Variants in DNAH7 observed in about 807,000 individuals in gnomAD.
DNAH7 encodes dynein axonemal heavy chain 7, also known as axonemal beta dynein heavy chain 7.
Under a neutral mutation model 444.6 loss-of-function variants are expected in DNAH7, and 397 were observed. The observed-to-expected ratio is 0.89, with a 90% CI of 0.82 to 0.97. DNAH7 has a LOEUF of 0.97. DNAH7 is among the 50% of genes least tolerant of loss of function. The pLI, the probability that DNAH7 is intolerant of heterozygous loss-of-function variation, is 0.00. For synonymous variants in DNAH7, 1,636 were observed against 1,624.4 expected (o/e 1.01, Z -0.17); for missense variants, 4,902 against 4,800.8 (o/e 1.02, Z -0.62).
intron 41 of DNAH7, 144 bp downstream of exon 41, chr2:195,864,005 A>G: frequency 1.4e-6 from 1 of 712,792 alleles, no homozygotes; most frequent in South Asian, 2.3e-5. Context: ...CTTGAATTAT[A>G]ATTTCATAAG....
intron 5 of DNAH7, 21 bp from the exon 6 acceptor site, chr2:196,028,068 CT>C: frequency 6.3e-7 from 1 of 1,599,036 alleles, no homozygotes; most frequent in Admixed American, 1.7e-5. Flanking sequence ...GATAAACATA[CT>C]ATTCAAAAGT....
chr2:195,888,489 G>C, intron 32 of DNAH7, 55 bp from the exon 33 acceptor site: 1 of 1,499,216 alleles, frequency 6.7e-7, no homozygotes, highest in Non-Finnish European at 8.9e-7. Flanking sequence ...AAATAAATAT[G>C]ATTTGGCACC....
intron 17 of DNAH7, among the ~76,000 whole-genome samples, chr2:195,962,311 T>C (rs1691164444): frequency 6.6e-6 from 1 of 152,216 alleles, no homozygotes; most frequent in Non-Finnish European, 1.5e-5. Flanking sequence ...TTCCCTCAAA[T>C]ATTTATCCTT....
At chr2:195,899,914 T>C (rs903575964) in intron 28 of DNAH7, among the ~76,000 whole-genome samples, 3 of 152,190 alleles carry the variant, frequency 2.0e-5, no homozygotes, top group Non-Finnish European at 4.4e-5. Flanking sequence ...TGTGTAATTA[T>C]AATAAGTGAC....
chr2:196,036,216 T>G (rs1032276311), intron 5 of DNAH7, among the ~76,000 whole-genome samples: 1 of 152,026 alleles, frequency 6.6e-6, no homozygotes, highest in East Asian at 1.9e-4. Context: ...GTATTTTTAG[T>G]AGGGACAGGG....
intron 19 of DNAH7, among the ~76,000 whole-genome samples, chr2:195,943,473 A>G (rs528767644): frequency 5.9e-5 from 9 of 152,296 alleles, no homozygotes; most frequent in African/African-American, 1.2e-4. Context: ...GGGAAAACAA[A>G]AATTCATTTC....
At chr2:195,954,729 A>C (rs1014589741) in intron 19 of DNAH7, among the ~76,000 whole-genome samples, 4 of 152,190 alleles carry the variant, frequency 2.6e-5, no homozygotes, top group Non-Finnish European at 5.9e-5. Flanking sequence ...TCTAACTGGC[A>C]TGAGATGTTA....
rs774430677 is a variant in DNAH7 at position 195,738,144 on chromosome 2, A to G, written c.11869-17T>C. On this transcript the variant is annotated splice_polypyrimidine_tract_variant and intron_variant, in intron 64 of 64. Transcript: ENST00000312428. ...TAGCCACATCTGGAAGAAAGTACAT[A>G]ACACCTCTTTAAGTCAAGGCTGTTT... 3.1e-6 allele frequency: 5 copies of G among 1,606,118 alleles called. No individual in the cohort carries two copies. The highest frequency in any genetic ancestry group is 4.3e-6 in the Non-Finnish European group (5 of 1,173,340).
chr2:195,894,011 G>GA (rs996369850), intron 30 of DNAH7: 35 of 151,828 alleles, frequency 2.3e-4, no homozygotes, highest in African/African-American at 8.2e-4. Flanking sequence ...ATTAAGAAGT[G>GA]AAAAAATGGA....
chr2:195,843,743 T>A (rs1698819510), intron 47 of DNAH7, among the ~76,000 whole-genome samples: 2 of 152,340 alleles, frequency 1.3e-5, no homozygotes, highest in African/African-American at 4.8e-5. Context: ...TATGTCAGGA[T>A]AATTTATTGG....
At chr2:196,021,658 A>G (rs1175775128) in intron 8 of DNAH7, among the ~76,000 whole-genome samples, 1 of 151,902 alleles carries the variant, frequency 6.6e-6, no homozygotes, top group Non-Finnish European at 1.5e-5. Flanking sequence ...CGTCTCTAAA[A>G]AAAAAAAAAT....
intron 24 of DNAH7, among the ~76,000 whole-genome samples, chr2:195,915,191 CAGA>C (rs1234445174): frequency 7.2e-5 from 11 of 152,070 alleles, no homozygotes; most frequent in Non-Finnish European, 1.5e-5. Flanking sequence ...AGTGCTATGA[CAGA>C]AGAAGATACA....
intron 63 of DNAH7, 152 bp downstream of exon 63, chr2:195,754,185 C>G: frequency 1.3e-6 from 1 of 777,684 alleles, no homozygotes; most frequent in Non-Finnish European, 1.9e-6. Context: ...CACTCATTTG[C>G]TCTCTGTATC....
intron 7 of DNAH7, among the ~76,000 whole-genome samples, chr2:196,026,410 C>T (rs553840893): frequency 1.3e-5 from 2 of 152,210 alleles, no homozygotes; most frequent in South Asian, 4.1e-4. Context: ...CCAAAAGATC[C>T]TGGAATGAAG....
At chr2:195,753,534 G>C (rs1693913229) in intron 63 of DNAH7, among the ~76,000 whole-genome samples, 1 of 152,196 alleles carries the variant, frequency 6.6e-6, no homozygotes, top group Non-Finnish European at 1.5e-5. Flanking sequence ...TGATAGAAGA[G>C]TGAGCCAGTG....
intron 33 of DNAH7, 102 bp from the exon 34 acceptor site, chr2:195,886,374 T>G: frequency 9.2e-7 from 1 of 1,083,666 alleles, no homozygotes; most frequent in Non-Finnish European, 1.3e-6. Context: ...TAACAGGTAG[T>G]AATAATTTTA....
chr2:195,778,694 A>G (rs1234365199), intron 58 of DNAH7, among the ~76,000 whole-genome samples: 1 of 91,818 alleles, frequency 1.1e-5, no homozygotes, highest in Non-Finnish European at 2.0e-5. Context: ...ATATATACAC[A>G]TATATATATA....
At chr2:195,938,969 T>C (rs1689241025) in intron 19 of DNAH7, among the ~76,000 whole-genome samples, 1 of 152,162 alleles carries the variant, frequency 6.6e-6, no homozygotes, top group African/African-American at 2.4e-5. Context: ...TGAACAGACT[T>C]GGTGTCTGTC....
intron 21 of DNAH7, 141 bp downstream of exon 21, chr2:195,934,450 T>C: frequency 1.1e-6 from 1 of 933,610 alleles, no homozygotes; most frequent in Non-Finnish European, 1.6e-6. Flanking sequence ...TCTCTTTGCC[T>C]TCAAGTTATC....
Sources: gnomAD v4.1 joint callset for allele counts (sites outside exome capture counted in the v4.1 genomes callset) on GRCh38, gnomAD v4.1.1 for gene constraint, MANE v1.5 for transcripts, NCBI Gene and HGNC (gene_info 2026-07-23, HGNC 2026-07-21) for gene names.